Variants in MYH10 observed in about 807,000 individuals in gnomAD.
MYH10 encodes myosin-10.
A neutral mutation model predicts 257.8 loss-of-function variants in MYH10; 55 were observed. The observed-to-expected ratio is 0.21, with a 90% CI of 0.17 to 0.27. MYH10 has a LOEUF of 0.27. MYH10 is among the 10% of genes least tolerant of loss of function. MYH10 has a pLI of 1.00. For synonymous variants in MYH10, 854 were observed against 921.7 expected, an observed-to-expected ratio of 0.93 and a Z score of 1.33; for missense variants, 1,631 against 2,500.6, an observed-to-expected ratio of 0.65 and a Z score of 7.42.
chr17:8,596,441 T>G lies in MYH10; in HGVS notation c.503-7333A>C, dbSNP rs987184872. ...AGCTGGGATTATGGGCGTAAGCCAC[T>G]GTGCCTGGCCCATTTTCTGACTTTT... On this transcript the variant is annotated intron_variant, in intron 3 of 42. Coordinates refer to ENST00000360416, the MANE Select transcript of MYH10 (RefSeq NM_001256012.3). Among the ~76,000 whole-genome samples the G allele has an allele frequency of 5.4e-4, 82 of 152,316 alleles. 1 individual carries two copies. Among genetic ancestry groups the G allele is most frequent in the African/African-American group, 1.5e-3 (64 of 41,572 alleles).
Position 8,569,469 on chromosome 17 carries a change from T to G in MYH10, c.756+251A>C, listed in dbSNP as rs1347141459. ...AAGCTCAGAGAGGTTAAATTACATATCCATAAAATAAGACAGAGTTATACA... is the reference window on the plus strand; with the variant it reads ...AAGCTCAGAGAGGTTAAATTACATAGCCATAAAATAAGACAGAGTTATACA... On this transcript the variant is annotated intron_variant, in intron 7 of 42. Coordinates refer to ENST00000360416, the MANE Select transcript of MYH10 (RefSeq NM_001256012.3). This position sits in a 1 kb window ranked among gnomAD's most constrained non-coding sequence, Gnocchi z 4.1. Among the ~76,000 whole-genome samples, 1 of 152,116 alleles carries G rather than the reference T, an allele frequency of 6.6e-6. No individual in the cohort carries two copies. The highest frequency in any genetic ancestry group is 2.4e-5 in the African/African-American group (1 of 41,406).
rs913314084 is a variant in MYH10 at position 8,540,645 on chromosome 17, G to A, written c.1605+1462C>T. ...GACCTAGCAAATTTTATGGGTTCTC[G>A]TCCATCCTAAAATAAAACTGCAGGT... is the stretch of plus-strand genomic sequence containing the variant. On this transcript the variant is annotated intron_variant, in intron 14 of 42. Transcript: ENST00000360416. Among the ~76,000 whole-genome samples the A allele has an allele frequency of 7.2e-5, 11 of 152,098 alleles. No homozygotes were observed. In the South Asian group the frequency reaches 1.9e-3, roughly 26 times the overall value.
intron 1 of MYH10, among the ~76,000 whole-genome samples, chr17:8,629,902 G>A (rs939121563): frequency 4.0e-5 from 6 of 151,520 alleles, no homozygotes; most frequent in African/African-American, 1.5e-4. Flanking sequence ...GGCGCCGGCG[G>A]AGTCCGACCC....
chr17:8,535,524 G>C lies in MYH10; in HGVS notation c.1780-23C>G. The C allele has an allele frequency of 6.4e-7, 1 of 1,569,854 alleles. No homozygotes were observed. Among genetic ancestry groups the C allele is most frequent in the Non-Finnish European group, 8.7e-7 (1 of 1,151,230 alleles). On this transcript the variant is annotated intron_variant, in intron 15 of 42. Coordinates refer to ENST00000360416, the MANE Select transcript of MYH10 (RefSeq NM_001256012.3). The surrounding 1 kb of genome is among the most constrained non-coding windows in gnomAD (Gnocchi z 4.3). ...CACCTATCCCGCACCAAAGCCAAAAGTGGTGAAATGGAGAACACAAAACCA... is the reference window on the plus strand; with the variant it reads ...CACCTATCCCGCACCAAAGCCAAAACTGGTGAAATGGAGAACACAAAACCA...
At chr17:8,519,299 C>CT (rs934587077) in intron 19 of MYH10, among the ~76,000 whole-genome samples, 1 of 152,126 alleles carries the variant, frequency 6.6e-6, no homozygotes, top group Admixed American at 6.6e-5. Flanking sequence ...GCTTTCTGTA[C>CT]TTTAAGTCAC....
chr17:8,585,286 G>GTATCTATATATATATATATATATA (rs71361807), intron 4 of MYH10, among the ~76,000 whole-genome samples: 1 of 84,606 alleles, frequency 1.2e-5, no homozygotes, highest in Non-Finnish European at 2.3e-5. Flanking sequence ...ATGTGTGTGT[G>GTATCTATATATATATATATATATA]TGTATATATA....
chr17:8,560,850 G>A, intron 7 of MYH10: 1 of 564,926 alleles, frequency 1.8e-6, no homozygotes, highest in Non-Finnish European at 3.4e-6. Flanking sequence ...GCAAGCACAA[G>A]GTCTTTGGCA....
At chr17:8,549,599 G>C (rs11870435) in intron 9 of MYH10, among the ~76,000 whole-genome samples, 146,890 of 152,316 alleles carry the variant, frequency 0.96, 71,063 homozygotes, top group East Asian at 1. Context: ...ACCCTGTCCC[G>C]TTATTCTTGT....
intron 2 of MYH10, among the ~76,000 whole-genome samples, chr17:8,619,375 C>T (rs1006863845): frequency 1.3e-4 from 20 of 151,962 alleles, no homozygotes; most frequent in Admixed American, 5.2e-4. Context: ...GCTTTTGAAC[C>T]GTCACTACAA....
chr17:8,475,997 A>G (rs965862540), intron 42 of MYH10, 49 bp from the exon 43 acceptor site: 5 of 1,573,114 alleles, frequency 3.2e-6, no homozygotes, highest in African/African-American at 2.7e-5. Flanking sequence ...ACAGGAGCAC[A>G]TGGCTGTCAA....
At chr17:8,624,686 T>C (rs1163585506) in intron 1 of MYH10, among the ~76,000 whole-genome samples, 3 of 152,240 alleles carry the variant, frequency 2.0e-5, no homozygotes, top group Non-Finnish European at 1.5e-5. Context: ...TGTGTATATA[T>C]GTGCTATAAC....
rs34684979 is a variant in MYH10 at position 8,513,688 on chromosome 17, GTT to G, written c.2614-21_2614-20del. The G allele has an allele frequency of 2.6e-3, 3,990 of 1,510,020 alleles. 1 individual carries two copies. Among genetic ancestry groups the G allele is most frequent in the Admixed American group, 3.1e-3 (170 of 54,250 alleles). The allele number at this position is 1,510,020 out of a possible 1,614,324, so 93.5% of individuals were successfully genotyped here. On this transcript the variant is annotated intron_variant, in intron 22 of 42. Transcript: ENST00000360416. The stretch of plus-strand genomic sequence containing the variant: ...GCTTCACCTATGACAAAATTAAGCA[GTT>G]TTTTTTTTTTTATCATTCCAGCTCT...
At chr17:8,626,266 A>G (rs1049356573) in intron 1 of MYH10, among the ~76,000 whole-genome samples, 2 of 152,130 alleles carry the variant, frequency 1.3e-5, no homozygotes, top group Non-Finnish European at 1.5e-5. Flanking sequence ...AACGTTGCAC[A>G]CTGGTAAAAA....
intron 7 of MYH10, chr17:8,560,528 G>A: frequency 3.2e-6 from 2 of 622,994 alleles, no homozygotes; most frequent in African/African-American, 1.8e-5. Flanking sequence ...TTTGGCCCAT[G>A]CAGCTCCTTC....
intron 6 of MYH10, among the ~76,000 whole-genome samples, chr17:8,571,806 T>C (rs2083353259): frequency 6.6e-6 from 1 of 152,118 alleles, no homozygotes; most frequent in Non-Finnish European, 1.5e-5. Flanking sequence ...TATTCGGTGA[T>C]AGACTGCCTT....
At chr17:8,605,240 G>A (rs2084752631) in intron 2 of MYH10, among the ~76,000 whole-genome samples, 1 of 152,136 alleles carries the variant, frequency 6.6e-6, no homozygotes, top group Non-Finnish European at 1.5e-5. Context: ...GAAATAATGC[G>A]AGCTTCCTGA....
At position 8,577,884 on chromosome 17, in the gene MYH10, C is replaced by T. The variant is rs1446964972; in HGVS notation, c.531-546G>A. ...GTAAGAGGACACAGGAAAATGTTCA[C>T]GACACTCTTTTTTCCCTTGGGGGTG... is the stretch of plus-strand genomic sequence containing the variant. On this transcript the variant is annotated intron_variant, in intron 4 of 42. Coordinates refer to ENST00000360416, the MANE Select transcript of MYH10 (RefSeq NM_001256012.3). 2.6e-5 allele frequency among the ~76,000 whole-genome samples: 4 copies of T among 152,224 alleles called. 1 individual carries two copies. In the South Asian group the frequency reaches 6.2e-4, roughly 24 times the overall value.
Position 8,506,257 on chromosome 17 carries a change from C to G in MYH10, c.3386+61G>C, listed in dbSNP as rs1365724830. ...GGTTTTTGAATGCTCCCGAACATAA[C>G]AAAGTCTGCTGAAACTCAGCCCCAT... is the stretch of plus-strand genomic sequence containing the variant. On this transcript the variant is annotated intron_variant, in intron 27 of 42. Coordinates refer to ENST00000360416, the MANE Select transcript of MYH10 (RefSeq NM_001256012.3). The surrounding 1 kb of genome is among the most constrained non-coding windows in gnomAD (Gnocchi z 5.0). 3 of 1,498,320 alleles carry G rather than the reference C, an allele frequency of 2.0e-6. No homozygotes were observed. Among genetic ancestry groups the G allele is most frequent in the Middle Eastern group, 1.8e-4 (1 of 5,520 alleles). 92.8% of individuals were successfully genotyped at this position (1,498,320 alleles called of 1,614,324 possible). A position where few individuals can be genotyped will look rare whatever the true frequency, so the allele number is the denominator to read the frequency against.
Position 8,614,307 on chromosome 17 carries a change from CTTTTTTTTTTT to C in MYH10, c.345+8584_345+8594del, listed in dbSNP as rs35801623. Among the ~76,000 whole-genome samples, 87 of 77,130 alleles carry C rather than the reference CTTTTTTTTTTT, an allele frequency of 1.1e-3. No individual in the cohort carries two copies. In the East Asian group the frequency reaches 0.016, roughly 14 times the overall value. 50.6% of individuals were successfully genotyped at this position (77,130 alleles called of 152,430 possible). A position where few individuals can be genotyped will look rare whatever the true frequency, so the allele number is the denominator to read the frequency against. On this transcript the variant is annotated intron_variant, in intron 2 of 42. Transcript: ENST00000360416. ...GATTTAGAAAGTAAGCAATTCACTT[CTTTTTTTTTTT>C]TTTTTTTTTTTTTTTGAGATGGATT...
Sources: allele counts gnomAD v4.1 joint callset (sites outside exome capture counted in the v4.1 genomes callset), GRCh38; gene constraint gnomAD v4.1.1; non-coding constraint Gnocchi (gnomAD v3.1); transcripts MANE v1.5; gene names NCBI Gene and HGNC (gene_info 2026-07-23, HGNC 2026-07-21).